The following TYW1B variants were observed in gnomAD, a reference collection of about 807,000 sequenced individuals.
TYW1B encodes the protein tRNA-yW synthesizing protein 1 homolog B.
TYW1B carries 73 observed loss-of-function variants against 86.9 expected under a neutral mutation model. The ratio of observed to expected loss-of-function variants is 0.84; its 90% confidence interval spans 0.70 to 1.02. The LOEUF is 1.02. Ranked by LOEUF, TYW1B falls within the 50% of genes least tolerant of loss-of-function variation. The probability of loss-of-function intolerance (pLI) is 0.00; values close to 1 mark genes in which losing one functional copy is unlikely to be tolerated. For synonymous variants in TYW1B, 248 were observed against 292.8 expected, an observed-to-expected ratio of 0.85 and a Z score of 1.56; for missense variants, 637 against 827.4, an observed-to-expected ratio of 0.77 and a Z score of 2.82.
In TYW1B at chr7:72,633,986, T is replaced by C. The variant is rs540996043; in HGVS notation, c.1507-4989A>G. 8.5e-5 allele frequency among the ~76,000 whole-genome samples: 13 copies of C among 152,294 alleles called. No individual in the cohort carries two copies. In the East Asian group the frequency reaches 2.5e-3, roughly 29 times the overall value. On this transcript the variant is annotated intron_variant, in intron 11 of 13. Transcript: ENST00000620995. ...CGATGTTTGCAAGATTCATTCATGCTGTTGATGTAACTGGAGCTCCAGTGG... is the reference window on the plus strand; with the variant it reads ...CGATGTTTGCAAGATTCATTCATGCCGTTGATGTAACTGGAGCTCCAGTGG...
At position 72,673,398 on chromosome 7, in the gene TYW1B, C is replaced by T. The variant is rs367585563; in HGVS notation, c.1506+21289G>A. Among the ~76,000 whole-genome samples, 329 of 146,120 alleles carry T rather than the reference C, an allele frequency of 2.3e-3. 2 individuals are homozygous for T. The highest frequency in any genetic ancestry group is 6.9e-3 in the African/African-American group (278 of 40,516). ...ATAAAGAAAATGTGGTATTTATATA[C>T]AATGGAGTACTATTCACCCATAAAA... On this transcript the variant is annotated intron_variant, in intron 11 of 13. Coordinates refer to ENST00000620995, the MANE Select transcript of TYW1B (RefSeq NM_001145440.3).
At chr7:72,607,523 TAAATAG>T (rs1438454386) in intron 13 of TYW1B, among the ~76,000 whole-genome samples, 1 of 151,138 alleles carries the variant, frequency 6.6e-6, no homozygotes, top group Non-Finnish European at 1.5e-5. Context: ...GAGAAATAGT[TAAATAG>T]AAATAGGAAA....
chr7:72,701,766 CTGTT>C (rs1311288958), intron 10 of TYW1B, among the ~76,000 whole-genome samples: 4 of 152,160 alleles, frequency 2.6e-5, no homozygotes, highest in African/African-American at 9.7e-5. Flanking sequence ...ACTGAAGTCT[CTGTT>C]TGGTTAGCTT....
chr7:72,678,565 AC>A (rs1813790153), intron 11 of TYW1B, among the ~76,000 whole-genome samples: 1 of 151,070 alleles, frequency 6.6e-6, no homozygotes, highest in African/African-American at 2.4e-5. Flanking sequence ...GACTGGCAAA[AC>A]CTAAAACCCT....
chr7:72,767,449 C>CA lies in TYW1B; in HGVS notation c.964+9966dup, dbSNP rs879966412. 3.3e-3 allele frequency among the ~76,000 whole-genome samples: 472 copies of CA among 143,832 alleles called. 1 individual carries two copies. Among genetic ancestry groups the CA allele is most frequent in the Non-Finnish European group, 5.0e-3 (323 of 65,242 alleles). 94.4% of individuals were successfully genotyped at this position (143,832 alleles called of 152,430 possible). ...GTGAAACCCATCTCTACTAAAAATA[C>CA]AAAAAAAAAAATTAGCCGGGTGTGG... On this transcript the variant is annotated intron_variant, in intron 7 of 13. Coordinates refer to ENST00000620995, the MANE Select transcript of TYW1B (RefSeq NM_001145440.3).
intron 8 of TYW1B, among the ~76,000 whole-genome samples, chr7:72,731,323 G>C (rs1308946775): frequency 7.3e-6 from 1 of 136,950 alleles, no homozygotes; most frequent in Non-Finnish European, 1.5e-5. Context: ...AAACTCACTG[G>C]TAGGGCAGAT....
intron 11 of TYW1B, among the ~76,000 whole-genome samples, chr7:72,651,570 G>A (rs1251714895): frequency 1.3e-5 from 2 of 152,078 alleles, no homozygotes; most frequent in South Asian, 2.1e-4. Context: ...AGCCGAAATC[G>A]CATCACTGCA....
At chr7:72,638,714 A>G (rs1490866691) in intron 11 of TYW1B, among the ~76,000 whole-genome samples, 2 of 152,242 alleles carry the variant, frequency 1.3e-5, no homozygotes, top group Non-Finnish European at 2.9e-5. Flanking sequence ...AGAAAGAAAT[A>G]AAACGGTCTT....
intron 13 of TYW1B, among the ~76,000 whole-genome samples, chr7:72,604,486 T>C (rs1333435993): frequency 6.6e-6 from 1 of 151,880 alleles, no homozygotes; most frequent in Non-Finnish European, 1.5e-5. Context: ...TTTTTAAAAA[T>C]TTTACAGGAA....
At chr7:72,709,071 G>A (rs1814680734) in intron 10 of TYW1B, among the ~76,000 whole-genome samples, 1 of 152,184 alleles carries the variant, frequency 6.6e-6, no homozygotes, top group Non-Finnish European at 1.5e-5. Context: ...TCAGAAAAAG[G>A]TAAGATGAAA....
At chr7:72,706,118 C>A (rs1554453608) in intron 10 of TYW1B, among the ~76,000 whole-genome samples, 1 of 152,162 alleles carries the variant, frequency 6.6e-6, no homozygotes, top group Non-Finnish European at 1.5e-5. Context: ...ATGCGGATTG[C>A]ATATGAAACA....
chr7:72,766,711 G>A (rs782673355), intron 7 of TYW1B, among the ~76,000 whole-genome samples: 1 of 151,092 alleles, frequency 6.6e-6, no homozygotes, highest in East Asian at 1.9e-4. Flanking sequence ...TGGATCACTT[G>A]AGATCAAGAG....
intron 11 of TYW1B, among the ~76,000 whole-genome samples, chr7:72,658,247 T>C (rs1813252050): frequency 6.7e-6 from 1 of 148,256 alleles, no homozygotes; most frequent in Admixed American, 6.7e-5. Flanking sequence ...CGAGACTCCG[T>C]CTCAATAAAA....
intron 8 of TYW1B, among the ~76,000 whole-genome samples, chr7:72,741,623 A>G (rs1333632099): frequency 2.0e-5 from 3 of 152,216 alleles, no homozygotes; most frequent in Admixed American, 6.5e-5. Context: ...TTGAATTCAC[A>G]GAACTAAGAA....
intron 11 of TYW1B, among the ~76,000 whole-genome samples, chr7:72,670,894 A>T (rs555162567): frequency 6.6e-6 from 1 of 152,342 alleles, no homozygotes; most frequent in South Asian, 2.1e-4. Context: ...GGGAAAATAA[A>T]TATACACGAT....
At chr7:72,811,879 A>C (rs1788626635) in intron 3 of TYW1B, among the ~76,000 whole-genome samples, 1 of 148,558 alleles carries the variant, frequency 6.7e-6, no homozygotes, top group African/African-American at 2.5e-5. Context: ...ACCCCTGCAC[A>C]CTGCACTCCA....
intron 11 of TYW1B, among the ~76,000 whole-genome samples, chr7:72,685,130 A>G (rs1344121414): frequency 6.6e-6 from 1 of 151,970 alleles, no homozygotes; most frequent in African/African-American, 2.4e-5. Flanking sequence ...AAAAAAAAGA[A>G]AAAAGATTAT....
At chr7:72,663,399 G>A (rs1813381736) in intron 11 of TYW1B, among the ~76,000 whole-genome samples, 1 of 152,014 alleles carries the variant, frequency 6.6e-6, no homozygotes, top group Non-Finnish European at 1.5e-5. Flanking sequence ...TGCTCTTGGA[G>A]TGCCCCCTCC....
intron 11 of TYW1B, among the ~76,000 whole-genome samples, chr7:72,677,877 T>A (rs1215386865): frequency 1.3e-5 from 2 of 152,054 alleles, no homozygotes. Context: ...AATTTTTGTA[T>A]TTTTAGTACT....
Sources: allele counts gnomAD v4.1 joint callset (sites outside exome capture counted in the v4.1 genomes callset), GRCh38; gene constraint gnomAD v4.1.1; transcripts MANE v1.5; gene names NCBI Gene and HGNC (gene_info 2026-07-23, HGNC 2026-07-21).